Variants in PTK2B observed in about 807,000 individuals in gnomAD.
The protein encoded by PTK2B is protein-tyrosine kinase 2-beta.
In PTK2B, 71 loss-of-function variants were observed where a neutral mutation model predicts 142.9. The ratio of observed to expected loss-of-function variants is 0.50; its 90% confidence interval spans 0.41 to 0.61. The LOEUF (loss-of-function observed/expected upper bound fraction) is 0.61, where lower values mean the gene tolerates loss of function less well. Ranked by LOEUF, PTK2B falls within the 20% of genes least tolerant of loss-of-function variation. The probability of loss-of-function intolerance (pLI) is 0.00; values close to 1 mark genes in which losing one functional copy is unlikely to be tolerated. For synonymous variants in PTK2B, 519 were observed against 503.4 expected, an observed-to-expected ratio of 1.03 and a Z score of -0.42; for missense variants, 1,105 against 1,320.4, an observed-to-expected ratio of 0.84 and a Z score of 2.53.
At chr8:27,393,534 T>C (rs17375764) in intron 1 of PTK2B, among the ~76,000 whole-genome samples, 54,960 of 151,940 alleles carry the variant, frequency 0.36, 10,876 homozygotes, top group Middle Eastern at 0.5. Context: ...TTGGGTCTGA[T>C]GTACAGTGTG....
intron 4 of PTK2B, 121 bp from the exon 5 acceptor site, chr8:27,422,183 T>A: frequency 1.2e-6 from 1 of 868,460 alleles, no homozygotes; most frequent in Non-Finnish European, 1.7e-6. Flanking sequence ...TGCTTGTTTG[T>A]GGTGGGGTGG....
At chr8:27,381,364 A>G (rs911011463) in intron 1 of PTK2B, among the ~76,000 whole-genome samples, 1 of 152,174 alleles carries the variant, frequency 6.6e-6, no homozygotes, top group African/African-American at 2.4e-5. Flanking sequence ...CCAGCCTATT[A>G]TAACCACGAT....
exon 1 of PTK2B, chr8:27,311,557 G>C (rs1253640840): frequency 5.0e-6 from 2 of 397,216 alleles, no homozygotes; most frequent in Admixed American, 4.5e-5. Flanking sequence ...CGGCGTAGTA[G>C]GGCTTCCGTG....
chr8:27,319,643 CAAAA>C (rs35156739), intron 3 of PTK2B, among the ~76,000 whole-genome samples: 135 of 89,232 alleles, frequency 1.5e-3, no homozygotes, highest in African/African-American at 4.6e-3. Flanking sequence ...GACTCTGTCT[CAAAA>C]AAAAAAAAAA....
At chr8:27,370,664 A>C (rs1409731171) in intron 1 of PTK2B, among the ~76,000 whole-genome samples, 1 of 152,198 alleles carries the variant, frequency 6.6e-6, no homozygotes, top group East Asian at 1.9e-4. Context: ...AAGGACAGGG[A>C]GTTCCTGGAA....
intron 30 of PTK2B, among the ~76,000 whole-genome samples, chr8:27,455,914 G>A (rs1399874637): frequency 6.6e-6 from 1 of 152,252 alleles, no homozygotes; most frequent in East Asian, 1.9e-4. Flanking sequence ...AGCCAGCCCT[G>A]CGGCACAGAT....
intron 1 of PTK2B, among the ~76,000 whole-genome samples, chr8:27,354,481 G>C (rs758759951): frequency 1.3e-5 from 2 of 152,160 alleles, no homozygotes; most frequent in African/African-American, 2.4e-5. Context: ...GAAAGGAGAC[G>C]TTGCAGACAG....
At chr8:27,439,480 A>C (rs1811017322) in intron 20 of PTK2B, 82 bp downstream of exon 20, 1 of 1,439,298 alleles carries the variant, frequency 6.9e-7, no homozygotes, top group Non-Finnish European at 9.7e-7. Flanking sequence ...TGCAGGGAGC[A>C]GGGGTCTGAC....
At chr8:27,427,963 G>C (rs1401919886) in intron 5 of PTK2B, among the ~76,000 whole-genome samples, 2 of 151,982 alleles carry the variant, frequency 1.3e-5, no homozygotes, top group Non-Finnish European at 2.9e-5. Flanking sequence ...CATTTATTGT[G>C]TACTTTATTT....
chr8:27,430,199 C>CA (rs775218640), intron 6 of PTK2B, 44 bp downstream of exon 6: 65 of 1,591,812 alleles, frequency 4.1e-5, no homozygotes, highest in Non-Finnish European at 3.4e-5. Flanking sequence ...CCTGTCCTTC[C>CA]ATGTGTACTT....
At chr8:27,366,261 C>T (rs1292299048) in intron 1 of PTK2B, among the ~76,000 whole-genome samples, 2 of 152,244 alleles carry the variant, frequency 1.3e-5, no homozygotes, top group Non-Finnish European at 2.9e-5. Context: ...CAGTACCTCC[C>T]ACCCCTTCCA....
chr8:27,370,800 A>G (rs907086032), intron 1 of PTK2B, among the ~76,000 whole-genome samples: 1 of 152,210 alleles, frequency 6.6e-6, no homozygotes, highest in Non-Finnish European at 1.5e-5. Flanking sequence ...AAGCAACTCT[A>G]TGATGAAAAG....
At chr8:27,429,240 A>G (rs1237596493) in intron 5 of PTK2B, among the ~76,000 whole-genome samples, 1 of 152,226 alleles carries the variant, frequency 6.6e-6, no homozygotes, top group Non-Finnish European at 1.5e-5. Flanking sequence ...TGAACTGTCT[A>G]AAAGTCATTG....
intron 3 of PTK2B, among the ~76,000 whole-genome samples, chr8:27,314,909 C>G (rs570476839): frequency 6.6e-6 from 1 of 152,152 alleles, no homozygotes; most frequent in Admixed American, 6.5e-5. Flanking sequence ...CACTCCAGCC[C>G]AGGTGACAGA....
intron 1 of PTK2B, among the ~76,000 whole-genome samples, chr8:27,327,174 A>G (rs1451513284): frequency 1.3e-5 from 2 of 152,180 alleles, no homozygotes; most frequent in African/African-American, 4.8e-5. Flanking sequence ...GGAAAATGAA[A>G]GTAGCTGGGC....
chr8:27,458,726 C>T lies in PTK2B; in HGVS notation c.*217C>T, dbSNP rs554160094. On this transcript the variant is annotated 3_prime_UTR_variant, in exon 31 of 31. Coordinates refer to ENST00000346049, the MANE Select transcript of PTK2B (RefSeq NM_173176.3). Reference sequence around the variant, plus strand: ...ACTCTGGGCTATGGACACAGGGTGACGGTGACAAAGATGGCTCAGAGGGGG... The same window carrying T: ...ACTCTGGGCTATGGACACAGGGTGATGGTGACAAAGATGGCTCAGAGGGGG... 5.1e-6 allele frequency: 3 copies of T among 592,344 alleles called. No homozygotes were observed. The highest frequency in any genetic ancestry group is 3.0e-5 in the Admixed American group (1 of 33,200). The allele number at this position is 592,344 out of a possible 1,614,324, so 36.7% of individuals were successfully genotyped here.
chr8:27,430,378 T>C lies in PTK2B; in HGVS notation c.629T>C (p.Leu210Pro). 1 of 1,614,104 alleles carries C rather than the reference T, an allele frequency of 6.2e-7. No individual in the cohort carries two copies. The highest frequency in any genetic ancestry group is 8.5e-7 in the Non-Finnish European group (1 of 1,180,026). ...CCTTCTTGCAGAAAGGAAGTGGGGC[T>C]GGACTTGTTTTTCCCAAAGCAGATG... is the stretch of plus-strand genomic sequence containing the variant. ...NFELLEKEVG[L>P]DLFFPKQMQE... The change falls in exon 7 of 31, where the codon CTG becomes CCG. Residue 210 changes from leucine (L) to proline (P), a missense_variant. Coordinates refer to ENST00000346049, the MANE Select transcript of PTK2B (RefSeq NM_173176.3).
intron 18 of PTK2B, among the ~76,000 whole-genome samples, chr8:27,438,280 G>T (rs1450385019): frequency 6.6e-6 from 1 of 152,098 alleles, no homozygotes; most frequent in African/African-American, 2.4e-5. Flanking sequence ...TGGGGTCCTA[G>T]GCCAGACATC....
chr8:27,385,758 G>A (rs753791816), intron 1 of PTK2B, among the ~76,000 whole-genome samples: 7 of 151,864 alleles, frequency 4.6e-5, no homozygotes, highest in Non-Finnish European at 8.8e-5. Flanking sequence ...CTGGGTATGG[G>A]GGCGGGCACC....
Sources: gnomAD v4.1 joint callset for allele counts (sites outside exome capture counted in the v4.1 genomes callset) on GRCh38, gnomAD v4.1.1 for gene constraint, MANE v1.5 for transcripts, NCBI Gene and HGNC (gene_info 2026-07-23, HGNC 2026-07-21) for gene names.